Variants in CD1B observed in about 807,000 individuals in gnomAD.
CD1B encodes T-cell surface glycoprotein CD1b.
In CD1B, 43 loss-of-function variants were observed where a neutral mutation model predicts 39.8. That is an observed-to-expected ratio of 1.08 (90% confidence interval 0.85 to 1.39). CD1B has a LOEUF of 1.39. Ranked by LOEUF, CD1B falls within the 40% of genes most tolerant of loss-of-function variation. CD1B has a pLI of 0.00. For missense variants in CD1B, 495 were observed against 403.8 expected, an observed-to-expected ratio of 1.23 and a Z score of -1.94; for synonymous variants, 192 against 152.5, an observed-to-expected ratio of 1.26 and a Z score of -1.91.
chr1:158,300,159 G>A, the CD1B span, among the ~76,000 whole-genome samples: 19 of 152,260 alleles, frequency 1.2e-4, no homozygotes, highest in South Asian at 3.7e-3. Flanking sequence ...TGCTTTACAT[G>A]TGTCCCAGAG....
chr1:158,328,297 ATGTT>A, intron 5 of CD1B, 40 bp from the exon 6 acceptor site: 1 of 1,524,362 alleles, frequency 6.6e-7, no homozygotes, highest in Non-Finnish European at 9.1e-7. Context: ...CACATAAAAG[ATGTT>A]TGTACACCCA....
chr1:158,300,345 A>T, the CD1B span, among the ~76,000 whole-genome samples: 1 of 152,134 alleles, frequency 6.6e-6, no homozygotes, highest in African/African-American at 2.4e-5. Flanking sequence ...TCCGAGAGAC[A>T]GTTTGTTGTG....
At chr1:158,318,407 C>T in the CD1B span, among the ~76,000 whole-genome samples, 4 of 152,272 alleles carry the variant, frequency 2.6e-5, no homozygotes, top group South Asian at 6.2e-4. Context: ...GATCCCTTTA[C>T]CATTCTGTAA....
the CD1B span, among the ~76,000 whole-genome samples, chr1:158,304,237 CACCCTAAT>C: frequency 2.0e-5 from 3 of 152,120 alleles, no homozygotes; most frequent in Non-Finnish European, 2.9e-5. Flanking sequence ...GGGTCATTCC[CACCCTAAT>C]ACTGTGCTTT....
chr1:158,316,236 A>T, the CD1B span, among the ~76,000 whole-genome samples: 1 of 151,992 alleles, frequency 6.6e-6, no homozygotes, highest in Non-Finnish European at 1.5e-5. Context: ...GAATCTGTAA[A>T]TTACCTTGGG....
chr1:158,329,234 G>A, intron 4 of CD1B, 136 bp downstream of exon 4: 1 of 1,174,468 alleles, frequency 8.5e-7, no homozygotes, highest in Middle Eastern at 2.1e-4. Context: ...TACTCCTGTT[G>A]GGATTGGGGT....
the CD1B span, among the ~76,000 whole-genome samples, chr1:158,306,355 G>A: frequency 9.9e-5 from 15 of 152,056 alleles, no homozygotes; most frequent in Non-Finnish European, 1.9e-4. Flanking sequence ...AATGGTAAAG[G>A]GATCAATTCA....
At chr1:158,303,850 G>T in the CD1B span, among the ~76,000 whole-genome samples, 1 of 152,178 alleles carries the variant, frequency 6.6e-6, no homozygotes, top group African/African-American at 2.4e-5. Flanking sequence ...ATTGCTGAAA[G>T]CAATTCAGAG....
chr1:158,290,323 A>C, the CD1B span, among the ~76,000 whole-genome samples: 321 of 152,288 alleles, frequency 2.1e-3, 2 homozygotes, highest in African/African-American at 7.5e-3. Context: ...AGTAGTCATT[A>C]ATGTTTCTCT....
At chr1:158,320,493 G>A in the CD1B span, among the ~76,000 whole-genome samples, 1 of 152,110 alleles carries the variant, frequency 6.6e-6, no homozygotes, top group Non-Finnish European at 1.5e-5. Context: ...TCCCGAGTGA[G>A]GCAATGCCTC....
At chr1:158,288,676 A>C in the CD1B span, among the ~76,000 whole-genome samples, 1 of 152,230 alleles carries the variant, frequency 6.6e-6, no homozygotes, top group Non-Finnish European at 1.5e-5. Context: ...TACAGGCATG[A>C]GTCATTGTGC....
At position 158,330,951 on chromosome 1, in the gene CD1B, C is replaced by T; in HGVS notation, c.173G>A (p.Trp58Ter). 1 of 1,614,142 alleles carries T rather than the reference C, an allele frequency of 6.2e-7. No homozygotes were observed. Among genetic ancestry groups the T allele is most frequent in the East Asian group, 2.2e-5 (1 of 44,872 alleles). Residue 58 changes from tryptophan to a stop codon, truncating the protein, a stop_gained, in exon 2 of 6, where the codon TGG (tryptophan) becomes TAG (stop). Transcript: ENST00000368168. LOFTEE classifies it high-confidence loss of function. ...GWLDDLQIHG[W>*]DSDSGTAIFL... ...TATGGCAGTGCCTGAGTCGCTATCC[C>T]AGCCATGAATCTGCAAATCATCCAA...
chr1:158,310,399 A>G, the CD1B span, among the ~76,000 whole-genome samples: 10 of 152,336 alleles, frequency 6.6e-5, no homozygotes, highest in South Asian at 1.2e-3. Flanking sequence ...CATTCTGGAC[A>G]TAGGCCCTGG....
At chr1:158,293,799 C>A in the CD1B span, among the ~76,000 whole-genome samples, 1 of 152,150 alleles carries the variant, frequency 6.6e-6, no homozygotes, top group East Asian at 1.9e-4. Context: ...TTGAGTCTTT[C>A]ATTTCACATT....
the CD1B span, among the ~76,000 whole-genome samples, chr1:158,320,698 T>C: frequency 2.0e-5 from 3 of 152,146 alleles, 1 homozygote; most frequent in South Asian, 6.2e-4. Flanking sequence ...CATAGGTTTT[T>C]GTGTGTTGTG....
At chr1:158,294,380 C>T in the CD1B span, among the ~76,000 whole-genome samples, 1 of 152,216 alleles carries the variant, frequency 6.6e-6, no homozygotes, top group Non-Finnish European at 1.5e-5. Context: ...CAGGCACATA[C>T]AGCTTCTAAA....
chr1:158,291,814 C>A, the CD1B span, among the ~76,000 whole-genome samples: 3 of 152,108 alleles, frequency 2.0e-5, no homozygotes, highest in Non-Finnish European at 4.4e-5. Flanking sequence ...TCCCCCTTCA[C>A]CCTCTATCCT....
chr1:158,319,847 A>G, the CD1B span, among the ~76,000 whole-genome samples: 2 of 152,156 alleles, frequency 1.3e-5, no homozygotes, highest in Admixed American at 6.5e-5. Flanking sequence ...TTTGATGTGG[A>G]TGTCCTTTCT....
the CD1B span, chr1:158,292,728 G>T: frequency 1.5e-5 from 25 of 1,614,074 alleles, no homozygotes; most frequent in Non-Finnish European, 2.1e-5. Flanking sequence ...GAGCAACTGG[G>T]CACTAAACAT....
Sources: gnomAD v4.1 joint callset for allele counts (sites outside exome capture counted in the v4.1 genomes callset) on GRCh38, gnomAD v4.1.1 for gene constraint, MANE v1.5 for transcripts, NCBI Gene and HGNC (gene_info 2026-07-23, HGNC 2026-07-21) for gene names.